HIP1: variants seen among roughly 807,000 people sequenced by gnomAD.
The protein encoded by HIP1 is huntingtin-interacting protein 1.
Under a neutral mutation model 147.6 loss-of-function variants are expected in HIP1, and 65 were observed. The observed-to-expected ratio is 0.44, with a 90% CI of 0.36 to 0.54. HIP1 has a LOEUF of 0.54. Ranked by LOEUF, HIP1 falls within the 20% of genes least tolerant of loss-of-function variation. The pLI is 0.00. For synonymous variants in HIP1, 479 were observed against 504.0 expected (o/e 0.95, Z 0.67); for missense variants, 1,061 against 1,299.6 (o/e 0.82, Z 2.82).
chr7:75,628,249 G>A (rs782441903), intron 1 of HIP1, among the ~76,000 whole-genome samples: 5 of 152,104 alleles, frequency 3.3e-5, no homozygotes, highest in Non-Finnish European at 5.9e-5. Context: ...TATCCCAAGT[G>A]CTTGGAACAG....
intron 1 of HIP1, among the ~76,000 whole-genome samples, chr7:75,687,032 A>C (rs1800284591): frequency 6.6e-6 from 1 of 151,842 alleles, no homozygotes; most frequent in Admixed American, 6.6e-5. Context: ...TTCTTTATCG[A>C]GCATTTCTGG....
chr7:75,552,342 T>C (rs1249624617), intron 22 of HIP1, among the ~76,000 whole-genome samples: 1 of 152,176 alleles, frequency 6.6e-6, no homozygotes, highest in African/African-American at 2.4e-5. Context: ...CAATTTCTGG[T>C]ATACAGGACA....
chr7:75,663,869 A>G (rs552204260), intron 1 of HIP1, among the ~76,000 whole-genome samples: 1 of 150,988 alleles, frequency 6.6e-6, no homozygotes, highest in African/African-American at 2.4e-5. Flanking sequence ...ACAGGGGATC[A>G]GAACACAGGG....
Position 75,555,191 on chromosome 7 carries a change from G to GGGGT in HIP1, c.1963+224_1963+225insACCC, listed in dbSNP as rs1185800431. Among the ~76,000 whole-genome samples, 83 of 49,418 alleles carry GGGGT rather than the reference G, an allele frequency of 1.7e-3. 1 individual carries two copies. Among genetic ancestry groups the GGGGT allele is most frequent in the African/African-American group, 6.5e-3 (79 of 12,120 alleles). The allele number at this position is 49,418 out of a possible 152,430, so 32.4% of individuals were successfully genotyped here. On this transcript the variant is annotated intron_variant, in intron 19 of 30. Coordinates refer to ENST00000336926, the MANE Select transcript of HIP1 (RefSeq NM_005338.7). Reference sequence around the variant, plus strand: ...GTAAGACCCTATCTCAAAAAGCGGGGGGGCGGGGGGGGGGAAGAAAATACT... The same window carrying GGGGT: ...GTAAGACCCTATCTCAAAAAGCGGGGGGGTGGGCGGGGGGGGGGAAGAAAATACT...
At chr7:75,614,783 T>C (rs1797584445) in intron 1 of HIP1, among the ~76,000 whole-genome samples, 1 of 152,154 alleles carries the variant, frequency 6.6e-6, no homozygotes, top group South Asian at 2.1e-4. Flanking sequence ...GATTTTTTTT[T>C]CTTTTTCTGA....
intron 1 of HIP1, among the ~76,000 whole-genome samples, chr7:75,621,708 G>A (rs587759853): frequency 3.3e-5 from 5 of 152,318 alleles, no homozygotes; most frequent in African/African-American, 1.2e-4. Flanking sequence ...TGATGGTGGA[G>A]GCAGAGGAGG....
At chr7:75,555,202 G>GGGGGA (rs1183760243) in intron 19 of HIP1, among the ~76,000 whole-genome samples, 1 of 111,482 alleles carries the variant, frequency 9.0e-6, no homozygotes, top group Non-Finnish European at 1.8e-5. Context: ...GGGCGGGGGG[G>GGGGGA]GGGAAGAAAA....
At chr7:75,595,270 TCC>T (rs1554501720) in intron 2 of HIP1, among the ~76,000 whole-genome samples, 1 of 93,540 alleles carries the variant, frequency 1.1e-5, no homozygotes, top group Non-Finnish European at 2.0e-5. Flanking sequence ...CTTCCTTCCT[TCC>T]TTCCTTCCTT....
chr7:75,592,321 TC>T, intron 3 of HIP1, 50 bp downstream of exon 3: 1 of 1,569,448 alleles, frequency 6.4e-7, no homozygotes. Context: ...GCAGTCACTT[TC>T]CCCACAAGGA....
At chr7:75,726,504 C>T (rs1283580879) in intron 1 of HIP1, among the ~76,000 whole-genome samples, 3 of 152,106 alleles carry the variant, frequency 2.0e-5, no homozygotes, top group Admixed American at 2.0e-4. Context: ...AGGCTGATCT[C>T]GAACTCTTGA....
chr7:75,622,079 G>A (rs10261914), intron 1 of HIP1, among the ~76,000 whole-genome samples: 34,241 of 151,744 alleles, frequency 0.23, 4,891 homozygotes, highest in African/African-American at 0.41. Context: ...AGGCCAGTTC[G>A]AGACCAGCCT....
intron 4 of HIP1, among the ~76,000 whole-genome samples, chr7:75,590,319 G>A (rs1796458472): frequency 6.6e-6 from 1 of 152,060 alleles, no homozygotes; most frequent in Non-Finnish European, 1.5e-5. Flanking sequence ...GATACGAAAG[G>A]TAGACCTAGA....
At chr7:75,715,774 C>CAAAAAAAAAAAAAAAAAAAAAAAAAAA in intron 1 of HIP1, among the ~76,000 whole-genome samples, 1 of 36,718 alleles carries the variant, frequency 2.7e-5, no homozygotes, top group Non-Finnish European at 4.6e-5. Context: ...GATCCTGTCT[C>CAAAAAAAAAAAAAAAAAAAAAAAAAAA]AAAAAAAAAA....
intron 1 of HIP1, among the ~76,000 whole-genome samples, chr7:75,672,024 T>C (rs978708342): frequency 2.0e-5 from 3 of 151,970 alleles, no homozygotes; most frequent in Admixed American, 2.0e-4. Flanking sequence ...CGTGAGCCAC[T>C]GTGCCTGGCC....
chr7:75,665,546 A>ATTT lies in HIP1; in HGVS notation c.121-66302_121-66300dup, dbSNP rs11437703. On this transcript the variant is annotated intron_variant, in intron 1 of 30. Coordinates refer to ENST00000336926, the MANE Select transcript of HIP1 (RefSeq NM_005338.7). ...TAAAGCTTCTCATTTTTCCGTAGTC[A>ATTT]TTTTTTTTTTTTTGAGACAGTCTCG... Among the ~76,000 whole-genome samples, 488 of 144,744 alleles carry ATTT rather than the reference A, an allele frequency of 3.4e-3. 3 individuals are homozygous for ATTT. In the East Asian group the frequency reaches 0.048, roughly 14 times the overall value. The allele number at this position is 144,744 out of a possible 152,430, so 95.0% of individuals were successfully genotyped here.
intron 3 of HIP1, 124 bp downstream of exon 3, chr7:75,592,247 TG>T: frequency 1.4e-6 from 2 of 1,415,038 alleles, no homozygotes; most frequent in Non-Finnish European, 2.0e-6. Context: ...CCAACTCTAA[TG>T]GGGAACCCAA....
At chr7:75,598,805 G>C (rs368710595) in intron 2 of HIP1, among the ~76,000 whole-genome samples, 1 of 152,066 alleles carries the variant, frequency 6.6e-6, no homozygotes, top group East Asian at 1.9e-4. Flanking sequence ...AGGCTGAGAC[G>C]AGAGGATTGC....
Position 75,535,414 on chromosome 7 carries a change from G to A in HIP1, c.*2758C>T, listed in dbSNP as rs1407950487. On this transcript the variant is annotated 3_prime_UTR_variant, in exon 31 of 31. Transcript: ENST00000336926. ...TCTGTCACCCAGGCCGGAGTGCACT[G>A]GCACAATCAGGGCTGACTGCAGCCT... The A allele has an allele frequency of 5.5e-6, 1 of 183,256 alleles. No homozygotes were observed. The highest frequency in any genetic ancestry group is 2.4e-5 in the African/African-American group (1 of 42,426). The allele number at this position is 183,256 out of a possible 1,614,324, so 11.4% of individuals were successfully genotyped here.
intron 4 of HIP1, among the ~76,000 whole-genome samples, chr7:75,591,604 G>A (rs142754198): frequency 1.2e-4 from 18 of 152,102 alleles, no homozygotes; most frequent in Non-Finnish European, 2.2e-4. Context: ...GGAACTGTGG[G>A]CTGGGCACAG....
Sources: allele counts gnomAD v4.1 joint callset (sites outside exome capture counted in the v4.1 genomes callset), GRCh38; gene constraint gnomAD v4.1.1; transcripts MANE v1.5; gene names NCBI Gene and HGNC (gene_info 2026-07-23, HGNC 2026-07-21).